Variants in ATAD2B observed in about 807,000 individuals in gnomAD.
ATAD2B encodes the protein ATPase family AAA domain containing 2B.
ATAD2B carries 40 observed loss-of-function variants against 167.6 expected under a neutral mutation model. That is an observed-to-expected ratio of 0.24 (90% confidence interval 0.19 to 0.31). The LOEUF (loss-of-function observed/expected upper bound fraction) is 0.31, where lower values mean the gene tolerates loss of function less well. Ranked by LOEUF, ATAD2B falls within the 10% of genes least tolerant of loss-of-function variation. ATAD2B has a pLI of 1.00. For synonymous variants in ATAD2B, 579 were observed against 596.5 expected, an observed-to-expected ratio of 0.97 and a Z score of 0.43; for missense variants, 1,242 against 1,757.2, an observed-to-expected ratio of 0.71 and a Z score of 5.24.
intron 22 of ATAD2B, among the ~76,000 whole-genome samples, chr2:23,765,897 T>C (rs1199954554): frequency 1.3e-5 from 2 of 152,134 alleles, no homozygotes; most frequent in East Asian, 3.8e-4. Context: ...AAAAGATACA[T>C]GGTTTCAAAT....
At chr2:23,874,665 G>A (rs780787660) in intron 8 of ATAD2B, among the ~76,000 whole-genome samples, 38 of 151,386 alleles carry the variant, frequency 2.5e-4, no homozygotes, top group South Asian at 1.0e-3. Context: ...ATCATAGCAC[G>A]CCTAGGTGAC....
At chr2:23,922,212 G>C (rs1379301613) in intron 1 of ATAD2B, among the ~76,000 whole-genome samples, 2 of 152,012 alleles carry the variant, frequency 1.3e-5, no homozygotes, top group African/African-American at 4.8e-5. Flanking sequence ...ATTAGGAGAA[G>C]TAGAAAAAAA....
chr2:23,686,296 G>A, the ATAD2B span, among the ~76,000 whole-genome samples: 11 of 152,120 alleles, frequency 7.2e-5, no homozygotes, highest in Non-Finnish European at 1.5e-4. Context: ...ACAGTAGGAT[G>A]TGTCTCGGTG....
In ATAD2B at chr2:23,872,637, G is replaced by A; in HGVS notation, c.978-2876C>T. ...TAGAAAGGATGGTCAGGCTCCATCG[G>A]AGGTGGTGGAACATCATAGGAGAGC... On this transcript the variant is annotated intron_variant, in intron 8 of 27. Coordinates refer to ENST00000238789, the MANE Select transcript of ATAD2B (RefSeq NM_017552.4). 8.2e-6 allele frequency: 11 copies of A among 1,345,590 alleles called. No homozygotes were observed. The South Asian group carries it at 1.3e-4, about 16-fold the overall frequency. 83.4% of individuals were successfully genotyped at this position (1,345,590 alleles called of 1,614,324 possible).
chr2:23,926,785 G>A lies in ATAD2B; in HGVS notation c.-15C>T, dbSNP rs1421946073. 2.6e-6 allele frequency: 4 copies of A among 1,511,052 alleles called. No individual in the cohort carries two copies. Among genetic ancestry groups the A allele is most frequent in the East Asian group, 5.0e-5 (2 of 39,706 alleles). The allele number at this position is 1,511,052 out of a possible 1,614,324, so 93.6% of individuals were successfully genotyped here. A position where few individuals can be genotyped will look rare whatever the true frequency, so the allele number is the denominator to read the frequency against. ...GTGTTCACCATGGTCCAGCCAGGGG[G>A]ACGGAGTCCACGCCGCGCCCGGGAG... On this transcript the variant is annotated 5_prime_UTR_variant, in exon 1 of 28. Coordinates refer to ENST00000238789, the MANE Select transcript of ATAD2B (RefSeq NM_017552.4).
chr2:23,703,254 C>T, the ATAD2B span: 1 of 1,545,426 alleles, frequency 6.5e-7, no homozygotes, highest in Non-Finnish European at 8.7e-7. Flanking sequence ...TCTGCTGCAG[C>T]CACAGTGTGT....
At chr2:23,805,153 A>G (rs561311850) in intron 18 of ATAD2B, among the ~76,000 whole-genome samples, 15 of 152,152 alleles carry the variant, frequency 9.9e-5, no homozygotes, top group South Asian at 4.1e-4. Flanking sequence ...CAAAAAAAAA[A>G]AAAAGAAAAG....
At chr2:23,765,392 C>A in intron 23 of ATAD2B, 114 bp downstream of exon 23, 2 of 864,522 alleles carry the variant, frequency 2.3e-6, no homozygotes, top group South Asian at 4.0e-5. Flanking sequence ...TAAATAAATA[C>A]ATTAAATACA....
chr2:23,832,249 T>G, intron 14 of ATAD2B: 1 of 469,224 alleles, frequency 2.1e-6, no homozygotes. Context: ...GGTAATCTCA[T>G]CTAGTCTCGG....
the ATAD2B span, chr2:23,689,926 G>A: frequency 6.6e-6 from 1 of 152,344 alleles, no homozygotes; most frequent in Non-Finnish European, 1.5e-5. Context: ...GTCACTCTGT[G>A]TTGGGGGGTT....
At chr2:23,882,044 C>CTATAA (rs3029917) in intron 6 of ATAD2B, among the ~76,000 whole-genome samples, 110,777 of 151,522 alleles carry the variant, frequency 0.73, 40,898 homozygotes, top group East Asian at 0.85. Context: ...TTGGCAATAG[C>CTATAA]TATAACATCT....
chr2:23,699,852 A>T, the ATAD2B span, among the ~76,000 whole-genome samples: 1 of 152,010 alleles, frequency 6.6e-6, no homozygotes, highest in Admixed American at 6.5e-5. Flanking sequence ...TCCTACTCTC[A>T]TGAGCAGTTA....
chr2:23,834,145 AGTCT>A (rs1166791147), intron 13 of ATAD2B, 67 bp from the exon 14 acceptor site: 8 of 390,948 alleles, frequency 2.0e-5, no homozygotes, highest in South Asian at 6.0e-5. Flanking sequence ...AACGTTTATC[AGTCT>A]TTCTTTTTTT....
At position 23,853,711 on chromosome 2, in the gene ATAD2B, T is replaced by C. The variant is rs186103906; in HGVS notation, c.1568+3704A>G. ...AGAAACTGACAAGAGGCTTTAGAAA[T>C]GTAAATGGAAAGATAATAGATGACT... On this transcript the variant is annotated intron_variant, in intron 13 of 27. Transcript: ENST00000238789. Among the ~76,000 whole-genome samples the C allele has an allele frequency of 2.5e-3, 380 of 152,200 alleles. 3 individuals are homozygous for C. Among genetic ancestry groups the C allele is most frequent in the African/African-American group, 8.6e-3 (357 of 41,514 alleles).
the ATAD2B span, among the ~76,000 whole-genome samples, chr2:23,694,063 TA>T: frequency 6.6e-6 from 1 of 152,278 alleles, no homozygotes; most frequent in South Asian, 2.1e-4. Flanking sequence ...ATGGGGCAGC[TA>T]ATAACAGTGA....
intron 13 of ATAD2B, among the ~76,000 whole-genome samples, chr2:23,844,141 T>C (rs905055888): frequency 6.6e-6 from 1 of 152,202 alleles, no homozygotes; most frequent in Non-Finnish European, 1.5e-5. Flanking sequence ...GGTTTCACCA[T>C]GTTGGCCAGG....
At chr2:23,711,342 CT>C in the ATAD2B span, among the ~76,000 whole-genome samples, 3 of 79,786 alleles carry the variant, frequency 3.8e-5, no homozygotes, top group African/African-American at 1.5e-4. Context: ...GAATTTCTTT[CT>C]TTTTTTTTTT....
At chr2:23,838,163 A>ACG (rs1690308373) in intron 13 of ATAD2B, among the ~76,000 whole-genome samples, 1 of 152,208 alleles carries the variant, frequency 6.6e-6, no homozygotes, top group African/African-American at 2.4e-5. Context: ...TGAAGGAAGG[A>ACG]TGTGTGATTC....
Position 23,863,474 on chromosome 2 carries a change from G to T in ATAD2B, c.1386C>A (p.Asp462Glu). ...TTCGCATAAAAAAAGCCACTTTTTTGTCTCCTTGGCTGCATTCATTAGCTA... is the reference window on the plus strand; with the variant it reads ...TTCGCATAAAAAAAGCCACTTTTTTTTCTCCTTGGCTGCATTCATTAGCTA... The part of the protein sequence containing the change: ...RALANECSQG[D>E]KKVAFFMRKG... The change falls in exon 12 of 28, where the codon GAC (aspartate) becomes GAA (glutamate). Residue 462 changes from aspartate (D) to glutamate (E), a missense_variant. Physicochemically the swap from Asp to Glu is conservative, Grantham distance 45. Transcript: ENST00000238789. 2 of 1,556,938 alleles carry T rather than the reference G, an allele frequency of 1.3e-6. No homozygotes were observed. The highest frequency in any genetic ancestry group is 4.8e-5 in the East Asian group (2 of 41,522).
Sources: allele counts gnomAD v4.1 joint callset (sites outside exome capture counted in the v4.1 genomes callset), GRCh38; gene constraint gnomAD v4.1.1; transcripts MANE v1.5; gene names NCBI Gene and HGNC (gene_info 2026-07-23, HGNC 2026-07-21).